MED13: variants seen among roughly 807,000 people sequenced by gnomAD.
MED13 encodes mediator of RNA polymerase II transcription subunit 13.
A neutral mutation model predicts 225.2 loss-of-function variants in MED13; 23 were observed. That is an observed-to-expected ratio of 0.10 (90% confidence interval 0.07 to 0.14). The LOEUF is 0.14. MED13 is among the 10% of genes least tolerant of loss of function. The probability of loss-of-function intolerance (pLI) is 1.00; values close to 1 mark genes in which losing one functional copy is unlikely to be tolerated. For synonymous variants in MED13, 942 were observed against 889.2 expected, an observed-to-expected ratio of 1.06 and a Z score of -1.06; for missense variants, 2,197 against 2,594.5, an observed-to-expected ratio of 0.85 and a Z score of 3.33.
intron 28 of MED13, 131 bp downstream of exon 28, chr17:61,950,694 A>T: frequency 3.3e-6 from 3 of 903,738 alleles, no homozygotes; most frequent in Non-Finnish European, 4.9e-6. Context: ...GATCTTGTTT[A>T]AAGAGTCACA....
At position 62,020,687 on chromosome 17, in the gene MED13, T is replaced by C. The variant is rs547608721; in HGVS notation, c.1283+8854A>G. Among the ~76,000 whole-genome samples the C allele has an allele frequency of 3.5e-4, 44 of 126,172 alleles. No individual in the cohort carries two copies. The Admixed American group carries it at 3.6e-3, about 10-fold the overall frequency. The allele number at this position is 126,172 out of a possible 152,430, so 82.8% of individuals were successfully genotyped here. A position where few individuals can be genotyped will look rare whatever the true frequency, so the allele number is the denominator to read the frequency against. On this transcript the variant is annotated intron_variant, in intron 8 of 29. Coordinates refer to ENST00000397786, the MANE Select transcript of MED13 (RefSeq NM_005121.3). The stretch of plus-strand genomic sequence containing the variant: ...AGTCACTGCACCTGGCCTGCTTTCT[T>C]TTTTTTTTTTTTTTTTTTTAATTGA...
intron 11 of MED13, among the ~76,000 whole-genome samples, chr17:61,992,122 AT>A: frequency 6.6e-6 from 1 of 152,050 alleles, no homozygotes; most frequent in South Asian, 2.1e-4. Flanking sequence ...TCTTTCTCCC[AT>A]TTTTTTCAAG....
chr17:61,975,054 G>C (rs2080142276), intron 16 of MED13, among the ~76,000 whole-genome samples: 1 of 151,978 alleles, frequency 6.6e-6, no homozygotes, highest in South Asian at 2.1e-4. Flanking sequence ...TGCAGTCCTA[G>C]CTACTTGGGG....
At chr17:61,950,581 G>A (rs912344488) in intron 28 of MED13, among the ~76,000 whole-genome samples, 9 of 151,984 alleles carry the variant, frequency 5.9e-5, no homozygotes, top group African/African-American at 1.9e-4. Context: ...ACGAGGTTTC[G>A]CCATGTTGGC....
chr17:61,987,738 A>C, intron 11 of MED13, among the ~76,000 whole-genome samples: 1 of 152,050 alleles, frequency 6.6e-6, no homozygotes, highest in East Asian at 1.9e-4. Context: ...ATACACATAC[A>C]CATACTTGTA....
intron 8 of MED13, among the ~76,000 whole-genome samples, chr17:62,012,538 CAGGCT>C (rs1262211496): frequency 6.6e-6 from 1 of 151,732 alleles, no homozygotes; most frequent in Non-Finnish European, 1.5e-5. Flanking sequence ...CCATGTTGGT[CAGGCT>C]GGTCCTGAAC....
At chr17:62,035,690 CA>C in intron 3 of MED13, 82 bp from the exon 4 acceptor site, 1 of 1,375,640 alleles carries the variant, frequency 7.3e-7, no homozygotes, top group Non-Finnish European at 9.7e-7. Context: ...AGGAAGTATG[CA>C]AAAATGCATA....
rs762177225 is a variant in MED13, at chr17:62,063,169, C to T, written c.199G>A (p.Gly67Ser). 6.2e-7 allele frequency: 1 copy of T among 1,614,128 alleles called. No individual in the cohort carries two copies. The highest frequency in any genetic ancestry group is 8.5e-7 in the Non-Finnish European group (1 of 1,180,004). ...FSRCLKADVL[G>S]VWRRDQRPGR... ...GGTCTTTGATCTCGCCGCCAAACAC[C>T]AAGTACATCTGCCTTAAGGCAGCGA... The change falls in exon 2 of 30, where the codon GGT becomes AGT. Residue 67 changes from glycine (G) to serine (S), a missense_variant. Coordinates refer to ENST00000397786, the MANE Select transcript of MED13 (RefSeq NM_005121.3).
At chr17:62,039,720 T>A (rs1382340372) in intron 3 of MED13, among the ~76,000 whole-genome samples, 2 of 151,702 alleles carry the variant, frequency 1.3e-5, no homozygotes, top group Non-Finnish European at 2.9e-5. Flanking sequence ...GCCTCCCAAG[T>A]AGCTGGGATG....
At chr17:61,953,880 T>C (rs1276724183) in intron 26 of MED13, among the ~76,000 whole-genome samples, 3 of 152,216 alleles carry the variant, frequency 2.0e-5, no homozygotes, top group African/African-American at 4.8e-5. Flanking sequence ...CATACCCACA[T>C]AGATTCCTGA....
At chr17:62,049,095 A>T (rs1294744202) in intron 3 of MED13, among the ~76,000 whole-genome samples, 1 of 149,014 alleles carries the variant, frequency 6.7e-6, no homozygotes, top group East Asian at 2.0e-4. Context: ...AAAAAAAAAA[A>T]GGAGAAATGA....
chr17:61,992,692 G>A (rs549133129), intron 10 of MED13, 71 bp from the exon 11 acceptor site: 7 of 1,071,270 alleles, frequency 6.5e-6, no homozygotes, highest in Non-Finnish European at 1.0e-5. Context: ...AATTATTGAG[G>A]AGCTGTGTGT....
chr17:61,978,528 G>A (rs2080176605), intron 16 of MED13, among the ~76,000 whole-genome samples: 1 of 152,128 alleles, frequency 6.6e-6, no homozygotes, highest in South Asian at 2.1e-4. Context: ...GCCAAGGTGG[G>A]CGGATCAACT....
At chr17:61,975,669 A>G (rs1264156916) in intron 16 of MED13, among the ~76,000 whole-genome samples, 1 of 152,162 alleles carries the variant, frequency 6.6e-6, no homozygotes, top group East Asian at 1.9e-4. Flanking sequence ...CAATGAGCCA[A>G]GATCGTACCC....
chr17:62,020,290 A>G (rs2080627253), intron 8 of MED13, among the ~76,000 whole-genome samples: 2 of 152,172 alleles, frequency 1.3e-5, no homozygotes, highest in African/African-American at 4.8e-5. Context: ...TACAATAAAT[A>G]GTGCACATTT....
chr17:61,998,015 TGTA>T (rs1555635945), intron 9 of MED13, among the ~76,000 whole-genome samples: 4 of 152,208 alleles, frequency 2.6e-5, no homozygotes, highest in African/African-American at 2.4e-5. Context: ...AGAATTTAAA[TGTA>T]GTCAATTTCA....
intron 16 of MED13, among the ~76,000 whole-genome samples, chr17:61,979,263 A>G (rs545054190): frequency 6.6e-6 from 1 of 152,304 alleles, no homozygotes; most frequent in Admixed American, 6.5e-5. Context: ...TTCAGAAGCC[A>G]TATAACATTC....
chr17:61,967,726 T>C lies in MED13; in HGVS notation c.4191+309A>G, dbSNP rs971162668. Among the ~76,000 whole-genome samples the C allele has an allele frequency of 3.3e-5, 5 of 152,308 alleles. 1 individual carries two copies. ...ATAAAGACTAGAATTTTTGTAAATG[T>C]AACTTTTTTCCTGGCTATTTAACAT... On this transcript the variant is annotated intron_variant, in intron 18 of 29. Transcript: ENST00000397786.
chr17:61,998,060 T>A (rs914742896), intron 9 of MED13, among the ~76,000 whole-genome samples: 2 of 152,322 alleles, frequency 1.3e-5, no homozygotes, highest in African/African-American at 4.8e-5. Context: ...TTTTAAAATA[T>A]AAATTCATTT....
Sources: gnomAD v4.1 joint callset for allele counts (sites outside exome capture counted in the v4.1 genomes callset) on GRCh38, gnomAD v4.1.1 for gene constraint, MANE v1.5 for transcripts, NCBI Gene and HGNC (gene_info 2026-07-23, HGNC 2026-07-21) for gene names.